The following FLT3 variants were observed in gnomAD, a reference collection of about 807,000 sequenced individuals.
FLT3 encodes the protein fms related receptor tyrosine kinase 3, also known as receptor-type tyrosine-protein kinase FLT3.
In FLT3, 46 loss-of-function variants were observed where a neutral mutation model predicts 126.6. The ratio of observed to expected loss-of-function variants is 0.36; its 90% CI spans 0.29 to 0.46. The LOEUF is 0.46. Among genes scored for constraint, FLT3 ranks in the 20% least tolerant of loss-of-function variants. The probability of loss-of-function intolerance (pLI) is 1.00; values close to 1 mark genes in which losing one functional copy is unlikely to be tolerated. For missense variants in FLT3, 1,069 were observed against 1,190.3 expected (o/e 0.90, Z 1.50); for synonymous variants, 404 against 434.4 (o/e 0.93, Z 0.87).
intron 19 of FLT3, among the ~76,000 whole-genome samples, chr13:28,021,619 TA>T (rs1421263713): frequency 6.6e-6 from 1 of 152,104 alleles, no homozygotes; most frequent in Non-Finnish European, 1.5e-5. Flanking sequence ...TTATTTTGAA[TA>T]GACAGACTGG....
intron 1 of FLT3, among the ~76,000 whole-genome samples, chr13:28,099,090 T>C (rs1037537022): frequency 6.6e-6 from 1 of 151,190 alleles, no homozygotes; most frequent in African/African-American, 2.4e-5. Context: ...GTGCCAATTA[T>C]ACTTCATTTA....
chr13:28,024,918 T>A lies in FLT3; in HGVS notation c.2233A>T (p.Ile745Leu). The A allele has an allele frequency of 6.2e-7, 1 of 1,611,534 alleles. No individual in the cohort carries two copies. Among genetic ancestry groups the A allele is most frequent in the East Asian group, 2.2e-5 (1 of 44,796 alleles). The change falls in exon 18 of 24, where the codon ATA becomes TTA. Residue 745 changes from isoleucine (I) to leucine (L), a missense_variant. Transcript: ENST00000241453. ...GAGATTTGATCCGAGTCCGGGTGTA[T>A]CTGAACTTCTCTTGAACCAGGCATG... is the stretch of plus-strand genomic sequence containing the variant. ...SSMPGSREVQ[I>L]HPDSDQISGL...
chr13:28,076,759 CT>C (rs1877950757), intron 1 of FLT3, among the ~76,000 whole-genome samples: 1 of 152,128 alleles, frequency 6.6e-6, no homozygotes, highest in Non-Finnish European at 1.5e-5. Context: ...GAAACTCTGT[CT>C]CTACAAAAAA....
chr13:28,074,225 A>T (rs1877774106), intron 1 of FLT3, among the ~76,000 whole-genome samples: 1 of 152,076 alleles, frequency 6.6e-6, no homozygotes, highest in Non-Finnish European at 1.5e-5. Flanking sequence ...ATTTGTCCAT[A>T]CTGTAGTAGA....
chr13:28,059,603 A>G (rs1263455503), intron 3 of FLT3, among the ~76,000 whole-genome samples: 1 of 152,240 alleles, frequency 6.6e-6, no homozygotes, highest in Non-Finnish European at 1.5e-5. Flanking sequence ...CAAAATAGAT[A>G]AGATCAAATG....
At chr13:28,023,605 C>T in intron 18 of FLT3, 128 bp from the exon 19 acceptor site, 1 of 1,004,620 alleles carries the variant, frequency 1.0e-6, no homozygotes, top group African/African-American at 1.6e-5. Flanking sequence ...GCATTATCTT[C>T]CCGGCAGCAT....
At chr13:28,009,040 A>C (rs1469460891) in intron 23 of FLT3, among the ~76,000 whole-genome samples, 2 of 152,058 alleles carry the variant, frequency 1.3e-5, no homozygotes, top group Admixed American at 6.6e-5. Context: ...GCAGCAGCCC[A>C]GTTATAGCTC....
chr13:28,056,257 C>T (rs1275086556), intron 4 of FLT3, among the ~76,000 whole-genome samples: 1 of 152,102 alleles, frequency 6.6e-6, no homozygotes, highest in Non-Finnish European at 1.5e-5. Context: ...TACATGCATG[C>T]AGGATCGCTG....
At chr13:28,086,508 A>G (rs1878681526) in intron 1 of FLT3, among the ~76,000 whole-genome samples, 1 of 152,226 alleles carries the variant, frequency 6.6e-6, no homozygotes, top group African/African-American at 2.4e-5. Flanking sequence ...TTTAAACAAT[A>G]AGAAAAAAAG....
Position 28,023,450 on chromosome 13 carries a change from C to G in FLT3, c.2318G>C (p.Arg773Thr). Residue 773 changes from arginine to threonine, a missense_variant, in exon 19 of 24, where the codon AGG becomes ACG. Arg to Thr is a moderately conservative substitution (Grantham distance 71). Transcript: ENST00000241453. ...EDEIEYENQK[R>T]LEEEEDLNVL... ...ATTCAAGTCCTCCTCTTCTTCCAGC[C>G]TTTTTTGGTTTTCATATTCAATTTC... The G allele has an allele frequency of 6.2e-7, 1 of 1,613,894 alleles. No individual in the cohort carries two copies. Among genetic ancestry groups the G allele is most frequent in the South Asian group, 1.1e-5 (1 of 91,026 alleles).
At chr13:28,061,187 C>T (rs1256556170) in intron 3 of FLT3, among the ~76,000 whole-genome samples, 2 of 151,768 alleles carry the variant, frequency 1.3e-5, no homozygotes, top group African/African-American at 4.8e-5. Flanking sequence ...GAAACCCCAT[C>T]TCTACTAAAA....
chr13:28,034,468 T>C, intron 12 of FLT3, 61 bp from the exon 13 acceptor site: 1 of 1,186,002 alleles, frequency 8.4e-7, no homozygotes, highest in Admixed American at 1.8e-5. Context: ...TTATAAATAG[T>C]GGACAACTCA....
Position 28,068,728 on chromosome 13 carries a change from G to C in FLT3, c.165+1763C>G, listed in dbSNP as rs73443025. Among the ~76,000 whole-genome samples the C allele has an allele frequency of 9.6e-3, 1,458 of 152,090 alleles. 27 individuals carry two copies. Among genetic ancestry groups the C allele is most frequent in the African/African-American group, 0.033 (1,376 of 41,486 alleles). On this transcript the variant is annotated intron_variant, in intron 2 of 23. Coordinates refer to ENST00000241453, the MANE Select transcript of FLT3 (RefSeq NM_004119.3). ...CCACAGGCGCACACCACCATGGCTG[G>C]TTAATTTTTTTGTTGTTGTTGTATT... is the stretch of plus-strand genomic sequence containing the variant.
chr13:28,015,417 A>G (rs1871752677), intron 21 of FLT3, among the ~76,000 whole-genome samples, 161 bp from the exon 22 acceptor site: 1 of 151,272 alleles, frequency 6.6e-6, no homozygotes, highest in Non-Finnish European at 1.5e-5. Flanking sequence ...GCTCTCAAGC[A>G]GGTTATAGAC....
intron 15 of FLT3, among the ~76,000 whole-genome samples, chr13:28,028,650 C>T (rs2491216): frequency 0.94 from 143,521 of 152,202 alleles, 68,251 homozygotes; most frequent in Non-Finnish European, 1. Context: ...TTAGCTGAGA[C>T]TGCACCATTG....
intron 23 of FLT3, among the ~76,000 whole-genome samples, chr13:28,006,418 A>G (rs751567692): frequency 2.6e-5 from 4 of 152,020 alleles, no homozygotes; most frequent in Non-Finnish European, 5.9e-5. Flanking sequence ...TGAAGGATGA[A>G]CAGTAACTAC....
intron 1 of FLT3, among the ~76,000 whole-genome samples, chr13:28,097,880 T>C (rs905361342): frequency 3.3e-5 from 5 of 152,130 alleles, no homozygotes; most frequent in Admixed American, 2.0e-4. Flanking sequence ...ATGAAAAAGG[T>C]AGTATCATAG....
intron 1 of FLT3, among the ~76,000 whole-genome samples, chr13:28,099,526 T>C (rs1029890501): frequency 6.6e-6 from 1 of 152,172 alleles, no homozygotes; most frequent in Non-Finnish European, 1.5e-5. Flanking sequence ...ATTTCAGAGC[T>C]GAAGGGGACT....
rs35243277 is a variant in FLT3 at position 28,081,844 on chromosome 13, C to CTTTTTTTTTTTTTTTTTTTTTTT, written c.44-11255_44-11233dup. 3.4e-4 allele frequency among the ~76,000 whole-genome samples: 22 copies of CTTTTTTTTTTTTTTTTTTTTTTT among 64,988 alleles called. 4 individuals carry two copies. Among genetic ancestry groups the CTTTTTTTTTTTTTTTTTTTTTTT allele is most frequent in the African/African-American group, 8.3e-4 (12 of 14,412 alleles). The allele number at this position is 64,988 out of a possible 152,430, so 42.6% of individuals were successfully genotyped here. A position where few individuals can be genotyped will look rare whatever the true frequency, so the allele number is the denominator to read the frequency against. ...TTACTTTGATTTTTTTACTTTGATTCTTTTTTTTTTTTTTTTTTTTTTTTT... is the reference window on the plus strand; with the variant it reads ...TTACTTTGATTTTTTTACTTTGATTCTTTTTTTTTTTTTTTTTTTTTTTTTTTTTTTTTTTTTTTTTTTTTTTT... On this transcript the variant is annotated intron_variant, in intron 1 of 23. Coordinates refer to ENST00000241453, the MANE Select transcript of FLT3 (RefSeq NM_004119.3).
Sources: gnomAD v4.1 joint callset for allele counts (sites outside exome capture counted in the v4.1 genomes callset) on GRCh38, gnomAD v4.1.1 for gene constraint, MANE v1.5 for transcripts, NCBI Gene and HGNC (gene_info 2026-07-23, HGNC 2026-07-21) for gene names.